KCNH6: variants seen among roughly 807,000 people sequenced by gnomAD.
The protein encoded by KCNH6 is potassium voltage-gated channel subfamily H member 6.
A neutral mutation model predicts 83.4 loss-of-function variants in KCNH6; 81 were observed. The observed-to-expected ratio is 0.97, with a 90% confidence interval of 0.81 to 1.17. KCNH6 has a LOEUF of 1.17. Among genes scored for constraint, KCNH6 ranks in the 50% most tolerant of loss-of-function variants. KCNH6 has a pLI of 0.00. For synonymous variants in KCNH6, 503 were observed against 545.6 expected, an observed-to-expected ratio of 0.92 and a Z score of 1.09; for missense variants, 1,203 against 1,290.5, an observed-to-expected ratio of 0.93 and a Z score of 1.04.
intron 10 of KCNH6, 26 bp from the exon 11 acceptor site, chr17:63,544,223 C>G (rs1449239219): frequency 6.3e-7 from 1 of 1,588,350 alleles, no homozygotes; most frequent in Non-Finnish European, 8.6e-7. Flanking sequence ...CTAGGCCCAG[C>G]TGAGACTTCC....
chr17:63,536,617 T>A (rs1398818709), intron 6 of KCNH6, among the ~76,000 whole-genome samples: 1 of 151,504 alleles, frequency 6.6e-6, no homozygotes, highest in African/African-American at 2.4e-5. Context: ...GCACTTCAGC[T>A]TAGGTGACAG....
chr17:63,537,828 A>C (rs944777937), intron 6 of KCNH6, among the ~76,000 whole-genome samples: 1 of 152,120 alleles, frequency 6.6e-6, no homozygotes, highest in Non-Finnish European at 1.5e-5. Flanking sequence ...TCTTCTCGGG[A>C]GTTTGACCGC....
intron 2 of KCNH6, 47 bp from the exon 3 acceptor site, chr17:63,530,044 G>A (rs755812986): frequency 6.3e-7 from 1 of 1,598,574 alleles, no homozygotes; most frequent in South Asian, 1.1e-5. Context: ...ACTGCAGGAG[G>A]GGACCCCTTC....
chr17:63,530,015 C>G, intron 2 of KCNH6, 76 bp from the exon 3 acceptor site: 1 of 1,512,570 alleles, frequency 6.6e-7, no homozygotes, highest in Non-Finnish European at 9.0e-7. Context: ...CTTCACTCAG[C>G]CCCTTCCCTA....
At chr17:63,528,179 G>A (rs75323060) in intron 2 of KCNH6, among the ~76,000 whole-genome samples, 5,436 of 152,306 alleles carry the variant, frequency 0.036, 302 homozygotes, top group African/African-American at 0.12. Context: ...AGCAGTGTCC[G>A]AGGCCACTGG....
In KCNH6 at chr17:63,524,186, A is replaced by G. The variant is rs756167080; in HGVS notation, c.124A>G (p.Ile42Val). ...ANAQMENCAI[I>V]YCNDGFCELF... Reference sequence around the variant, plus strand: ...TGCTCAGATGGAGAACTGCGCCATCATTTACTGCAACGACGGCTTCTGCGA... The same window carrying G: ...TGCTCAGATGGAGAACTGCGCCATCGTTTACTGCAACGACGGCTTCTGCGA... The change falls in exon 2 of 13, where the codon ATT becomes GTT. Residue 42 changes from isoleucine to valine, a missense_variant. Transcript: ENST00000314672. 7.4e-6 allele frequency: 12 copies of G among 1,614,054 alleles called. No homozygotes were observed. The highest frequency in any genetic ancestry group is 3.4e-6 in the Non-Finnish European group (4 of 1,180,026).
intron 2 of KCNH6, among the ~76,000 whole-genome samples, chr17:63,526,062 TG>T (rs1249871763): frequency 6.6e-6 from 1 of 152,198 alleles, no homozygotes; most frequent in Admixed American, 6.5e-5. Flanking sequence ...AGCCTGGCCT[TG>T]GCCCCCTGAG....
At position 63,544,379 on chromosome 17, in the gene KCNH6, C is replaced by T; in HGVS notation, c.2364C>T (p.Ser788=). The T allele has an allele frequency of 1.0e-5, 16 of 1,600,652 alleles. No individual in the cohort carries two copies. The highest frequency in any genetic ancestry group is 2.2e-5 in the East Asian group (1 of 44,778). The stretch of plus-strand genomic sequence containing the variant: ...ATTGCTGGCCTCTGAAGCTGGGCTC[C>T]AGGCTAGAGCAGCTCCAGGCCCAGA... ...DPDCWPLKLG[S]RLEQLQAQMN... is the part of the protein sequence containing the mutation. The change falls in exon 11 of 13, where the codon TCC becomes TCT. Residue 788 remains serine (S), a synonymous_variant. Coordinates refer to ENST00000314672, the MANE Select transcript of KCNH6 (RefSeq NM_001278919.2).
intron 8 of KCNH6, among the ~76,000 whole-genome samples, chr17:63,540,633 G>A (rs183655437): frequency 1.3e-5 from 2 of 152,248 alleles, no homozygotes; most frequent in South Asian, 2.1e-4. Flanking sequence ...AGGGTTTCAT[G>A]TGTGACCCTG....
Position 63,534,245 on chromosome 17 carries a change from G to A in KCNH6, c.1035G>A (p.Trp345Ter), listed in dbSNP as rs200406382. 2.1e-5 allele frequency: 34 copies of A among 1,613,998 alleles called. No homozygotes were observed. The highest frequency in any genetic ancestry group is 8.5e-7 in the Non-Finnish European group (1 of 1,180,016). Residue 345 changes from tryptophan to a stop codon, truncating the protein, a stop_gained, in exon 5 of 13, where the codon TGG becomes TGA. Coordinates refer to ENST00000314672, the MANE Select transcript of KCNH6 (RefSeq NM_001278919.2). LOFTEE classifies it high-confidence loss of function. The surrounding 1 kb of genome is among the most constrained non-coding windows in gnomAD (Gnocchi z 5.0). ...TCGCCGTCCACTACTTCAAGGGCTG[G>A]TTCCTCATTGACATGGTGGCCGCCA... Reference protein sequence around the residue: ...RRIAVHYFKGWFLIDMVAAIP... With the variant: ...RRIAVHYFKG
At position 63,538,120 on chromosome 17, in the gene KCNH6, C is replaced by G; in HGVS notation, c.1557C>G (p.Tyr519Ter). The G allele has an allele frequency of 6.2e-7, 1 of 1,614,122 alleles. No individual in the cohort carries two copies. Among genetic ancestry groups the G allele is most frequent in the Non-Finnish European group, 8.5e-7 (1 of 1,180,032 alleles). The change falls in exon 7 of 13, where the codon TAC becomes TAG. Residue 519 changes from tyrosine (Y) to a stop codon, truncating the protein, a stop_gained. Coordinates refer to ENST00000314672, the MANE Select transcript of KCNH6 (RefSeq NM_001278919.2). LOFTEE classifies it high-confidence loss of function. The surrounding 1 kb of genome is among the most constrained non-coding windows in gnomAD (Gnocchi z 4.0). ...TGTCCGCGATCATCCAGCGCCTGTA[C>G]TCGGGCACCGCGCGCTACCACACGC... Reference protein sequence around the residue: ...GNVSAIIQRLYSGTARYHTQM... With the variant: ...GNVSAIIQRL
rs770176639 is a variant in KCNH6, at chr17:63,535,883, GC to G, written c.1318del (p.Leu440TrpfsTer63). 9 of 1,614,128 alleles carry G rather than the reference GC, an allele frequency of 5.6e-6. No homozygotes were observed. In the South Asian group the frequency reaches 9.9e-5, roughly 18 times the overall value. On this transcript the variant is annotated frameshift_variant, in exon 6 of 13. Coordinates refer to ENST00000314672, the MANE Select transcript of KCNH6 (RefSeq NM_001278919.2). LOFTEE classifies it high-confidence loss of function. The surrounding 1 kb of genome is among the most constrained non-coding windows in gnomAD (Gnocchi z 4.9). ...GAACACAAGATCGGCTGGCTGGACAGCCTGGGTGTGCAGCTTGGCAAGCGCT... is the reference window on the plus strand; with the variant it reads ...GAACACAAGATCGGCTGGCTGGACAGCTGGGTGTGCAGCTTGGCAAGCGCT... The part of the protein sequence containing the change: ...YLEHKIGWLD[S>X]LGVQLGKRYN...
Position 63,542,260 on chromosome 17 carries a change from G to A in KCNH6, c.1974G>A (p.Gly658=), listed in dbSNP as rs1598010067. 11 of 1,613,778 alleles carry A rather than the reference G, an allele frequency of 6.8e-6. No individual in the cohort carries two copies. The East Asian group carries it at 2.5e-4, about 36-fold the overall frequency. The change falls in exon 9 of 13, where the codon GGG becomes GGA. Residue 658 remains glycine, a synonymous_variant. Coordinates refer to ENST00000314672, the MANE Select transcript of KCNH6 (RefSeq NM_001278919.2). Reference sequence around the variant, plus strand: ...TGGCAGGAAAGAATGACATCTTTGGGGAACCCGTCAGCCTCCATGCCCAGC... The same window carrying A: ...TGGCAGGAAAGAATGACATCTTTGGAGAACCCGTCAGCCTCCATGCCCAGC... The part of the protein sequence containing the change: ...VAILGKNDIF[G]EPVSLHAQPG...
At position 63,546,357 on chromosome 17, in the gene KCNH6, C is replaced by T. The variant is rs74866806; in HGVS notation, c.*455C>T. On this transcript the variant is annotated 3_prime_UTR_variant, in exon 13 of 13. Transcript: ENST00000314672. ...AGGATGGCGTGGGTGAAGAAGCTCA[C>T]GACTTTTCCCAGCCTCCTCCAGGGC... 0.013 allele frequency: 2,054 copies of T among 156,588 alleles called. 22 individuals are homozygous for T. The highest frequency in any genetic ancestry group is 0.044 in the Middle Eastern group (13 of 296). The allele number at this position is 156,588 out of a possible 1,614,324, so 9.7% of individuals were successfully genotyped here. A position where few individuals can be genotyped will look rare whatever the true frequency, so the allele number is the denominator to read the frequency against.
chr17:63,542,457 AGGGT>A (rs758030613), intron 9 of KCNH6, 23 bp downstream of exon 9: 1 of 1,608,086 alleles, frequency 6.2e-7, no homozygotes. Flanking sequence ...CAGGTGGGCC[AGGGT>A]GGGTGGAAAT....
At chr17:63,532,172 CCTA>C (rs1396068870) in intron 4 of KCNH6, among the ~76,000 whole-genome samples, 1 of 152,158 alleles carries the variant, frequency 6.6e-6, no homozygotes, top group Non-Finnish European at 1.5e-5. Flanking sequence ...CTATTCTCAG[CCTA>C]CTTTAAACCA....
chr17:63,537,474 G>A lies in KCNH6; in HGVS notation c.1502-591G>A, dbSNP rs147608746. Among the ~76,000 whole-genome samples, 4 of 152,126 alleles carry A rather than the reference G, an allele frequency of 2.6e-5. No homozygotes were observed. The East Asian group carries it at 5.8e-4, about 22-fold the overall frequency. ...TGTTTTGAGACAGTCTCATTCTGTCGCCCAGGCTGGAGCTCAGTGGCATGG... is the reference window on the plus strand; with the variant it reads ...TGTTTTGAGACAGTCTCATTCTGTCACCCAGGCTGGAGCTCAGTGGCATGG... On this transcript the variant is annotated intron_variant, in intron 6 of 12. Transcript: ENST00000314672.
At chr17:63,532,210 C>T (rs2147659189) in intron 4 of KCNH6, among the ~76,000 whole-genome samples, 1 of 152,304 alleles carries the variant, frequency 6.6e-6, no homozygotes, top group East Asian at 1.9e-4. Flanking sequence ...TTCTGTCTCC[C>T]TCCCACTCCC....
rs951215995 is a variant in KCNH6, at chr17:63,535,394, C to A, written c.1102-275C>A. Among the ~76,000 whole-genome samples, 3 of 152,180 alleles carry A rather than the reference C, an allele frequency of 2.0e-5. No individual in the cohort carries two copies. In the East Asian group the frequency reaches 5.8e-4, roughly 29 times the overall value. On this transcript the variant is annotated intron_variant, in intron 5 of 12. Transcript: ENST00000314672. The surrounding 1 kb of genome is among the most constrained non-coding windows in gnomAD (Gnocchi z 4.9). ...CTCCTCTCTCCAGGCTCAGCTCATGCGTCACCTCATCCATGAAGCCTCCCC... is the reference window on the plus strand; with the variant it reads ...CTCCTCTCTCCAGGCTCAGCTCATGAGTCACCTCATCCATGAAGCCTCCCC...
Sources: gnomAD v4.1 joint callset for allele counts (sites outside exome capture counted in the v4.1 genomes callset) on GRCh38, gnomAD v4.1.1 for gene constraint, Gnocchi (gnomAD v3.1) non-coding constraint, MANE v1.5 for transcripts, NCBI Gene and HGNC (gene_info 2026-07-23, HGNC 2026-07-21) for gene names.